The following C4orf51 variants were observed in gnomAD, a reference collection of about 807,000 sequenced individuals.
C4orf51 encodes the protein chromosome 4 open reading frame 51, also known as uncharacterized protein C4orf51.
A neutral mutation model predicts 25.2 loss-of-function variants in C4orf51; 25 were observed. The observed-to-expected ratio is 0.99, with a 90% CI of 0.72 to 1.39. The LOEUF (loss-of-function observed/expected upper bound fraction) is 1.39. Ranked by LOEUF, C4orf51 falls within the 40% of genes most tolerant of loss-of-function variation. The pLI is 0.00. For missense variants in C4orf51, 252 were observed against 239.6 expected (o/e 1.05, Z -0.34); for synonymous variants, 100 against 84.5 (o/e 1.18, Z -1.01).
At chr4:145,774,608 C>G, downstream of C4orf51, 1 of 1,613,758 alleles carries the variant, frequency 6.2e-7, no homozygotes, top group Non-Finnish European at 8.5e-7. Flanking sequence ...TCCTTGTCCA[C>G]GTGGAGTGAC....
At chr4:145,775,669 G>A (rs1560905332), downstream of C4orf51, 4 of 1,243,924 alleles carry the variant, frequency 3.2e-6, no homozygotes, top group Middle Eastern at 2.9e-4. Context: ...TTACTCAAAT[G>A]AAGGCCAGGC....
At chr4:145,736,829 G>A (rs563905715), downstream of C4orf51, among the ~76,000 whole-genome samples, 19 of 152,188 alleles carry the variant, frequency 1.2e-4, no homozygotes, top group Middle Eastern at 3.4e-3. Context: ...CTAAATTCAC[G>A]GCCTATGACA....
chr4:145,779,754 A>G, the C4orf51 span, among the ~76,000 whole-genome samples: 1 of 152,226 alleles, frequency 6.6e-6, no homozygotes, highest in Non-Finnish European at 1.5e-5. Flanking sequence ...TTTCTTCACT[A>G]AAGACCAGCC....
chr4:145,787,168 G>T, the C4orf51 span, among the ~76,000 whole-genome samples: 1 of 152,206 alleles, frequency 6.6e-6, no homozygotes. Flanking sequence ...GAAGAATTGA[G>T]AAATAGTTTT....
intron 1 of C4orf51, among the ~76,000 whole-genome samples, chr4:145,767,488 A>G (rs568268684): frequency 6.6e-6 from 1 of 152,182 alleles, no homozygotes; most frequent in South Asian, 2.1e-4. Context: ...TTTGAGGAAA[A>G]TCATAAACCC....
rs1022843194 is a variant in C4orf51, at chr4:145,761,084, G to T, written n.167-9904G>T. ...TGGGAGGCAGACATAACTGACAGGG[G>T]AGACAGGAGATTCCGGGAGCTCCCG... is the stretch of plus-strand genomic sequence containing the variant. On this transcript the variant is annotated intron_variant and non_coding_transcript_variant, in intron 1 of 1. Transcript: ENST00000510096. The surrounding 1 kb of genome is among the most constrained non-coding windows in gnomAD (Gnocchi z 6.8). 6.2e-6 allele frequency: 8 copies of T among 1,289,462 alleles called. No homozygotes were observed. The highest frequency in any genetic ancestry group is 8.1e-6 in the Non-Finnish European group (8 of 988,722). The allele number at this position is 1,289,462 out of a possible 1,614,324, so 79.9% of individuals were successfully genotyped here. A position where few individuals can be genotyped will look rare whatever the true frequency, so the allele number is the denominator to read the frequency against.
intron 2 of C4orf51, among the ~76,000 whole-genome samples, chr4:145,705,139 C>G (rs1487615138): frequency 6.6e-6 from 1 of 152,172 alleles, no homozygotes; most frequent in Non-Finnish European, 1.5e-5. Flanking sequence ...GGCATTCTTC[C>G]CTTACCAGTC....
intron 1 of C4orf51, among the ~76,000 whole-genome samples, chr4:145,750,811 G>T (rs905087110): frequency 6.6e-6 from 1 of 151,936 alleles, no homozygotes; most frequent in Non-Finnish European, 1.5e-5. Context: ...TCTAGATCTT[G>T]TAGGAATGTT....
rs559278488 is a variant in C4orf51 at position 145,725,059 on chromosome 4, A to T, written c.308-1852A>T. On this transcript the variant is annotated intron_variant, in intron 2 of 5. Transcript: ENST00000438731. ...AAAGGGTGGGAGGGGGATGAGGAAT[A>T]AAAGACTACACTTGGGTACAGTGTA... Among the ~76,000 whole-genome samples the T allele has an allele frequency of 2.0e-5, 3 of 152,046 alleles. No individual in the cohort carries two copies. In the South Asian group the frequency reaches 6.2e-4, roughly 32 times the overall value.
chr4:145,699,142 T>G (rs967222287), intron 2 of C4orf51, among the ~76,000 whole-genome samples: 2 of 151,474 alleles, frequency 1.3e-5, no homozygotes, highest in Non-Finnish European at 2.9e-5. Context: ...CCAAATCATA[T>G]AAAATGGCCC....
chr4:145,688,200 T>TAA (rs554716520), intron 1 of C4orf51, among the ~76,000 whole-genome samples: 8,316 of 98,614 alleles, frequency 0.084, 406 homozygotes, highest in Non-Finnish European at 0.1. Flanking sequence ...GATCCTACCT[T>TAA]AAAAAAAAAA....
intron 1 of C4orf51, among the ~76,000 whole-genome samples, chr4:145,747,339 T>C (rs529182072): frequency 7.9e-5 from 12 of 152,150 alleles, no homozygotes; most frequent in African/African-American, 1.9e-4. Context: ...ATCTGTCATA[T>C]ATGGCTCTAA....
intron 3 of C4orf51, among the ~76,000 whole-genome samples, chr4:145,728,272 C>T (rs545419400): frequency 8.1e-4 from 123 of 151,820 alleles, no homozygotes; most frequent in African/African-American, 2.9e-3. Flanking sequence ...CCTAGTAGTG[C>T]GTGAGAGTGC....
At chr4:145,716,178 T>A (rs1273554927) in intron 2 of C4orf51, among the ~76,000 whole-genome samples, 2 of 152,146 alleles carry the variant, frequency 1.3e-5, no homozygotes, top group Non-Finnish European at 2.9e-5. Context: ...TCAATAAAAT[T>A]TTTTTTTCTT....
At chr4:145,776,751 A>G in the C4orf51 span, among the ~76,000 whole-genome samples, 3 of 152,240 alleles carry the variant, frequency 2.0e-5, no homozygotes, top group East Asian at 5.8e-4. Context: ...GGGTCGGCCA[A>G]GAAATAAAAA....
intron 1 of C4orf51, among the ~76,000 whole-genome samples, chr4:145,767,684 T>C (rs1735522011): frequency 6.6e-6 from 1 of 152,230 alleles, no homozygotes. Context: ...CTGGACACTA[T>C]GCAAGTAAGA....
intron 2 of C4orf51, among the ~76,000 whole-genome samples, chr4:145,704,310 T>C (rs1199600412): frequency 6.6e-6 from 1 of 152,178 alleles, no homozygotes; most frequent in East Asian, 1.9e-4. Context: ...GGAGAAGGCA[T>C]AGAAATGGGA....
intron 1 of C4orf51, among the ~76,000 whole-genome samples, chr4:145,686,903 G>A (rs533975315): frequency 3.3e-5 from 5 of 152,258 alleles, no homozygotes; most frequent in African/African-American, 1.2e-4. Flanking sequence ...TTGGAAGAGG[G>A]TGAAAAATCT....
intron 1 of C4orf51, among the ~76,000 whole-genome samples, chr4:145,746,188 GTTT>G (rs1235857246): frequency 7.0e-6 from 1 of 142,848 alleles, no homozygotes; most frequent in Non-Finnish European, 1.6e-5. Context: ...CACTTTGTTT[GTTT>G]CCTTTGGTGT....
Sources: gnomAD v4.1 joint callset for allele counts (sites outside exome capture counted in the v4.1 genomes callset) on GRCh38, gnomAD v4.1.1 for gene constraint, Gnocchi (gnomAD v3.1) non-coding constraint, MANE v1.5 for transcripts, NCBI Gene and HGNC (gene_info 2026-07-23, HGNC 2026-07-21) for gene names.